Variants in PBRM1 observed in about 807,000 individuals in gnomAD.
The protein encoded by PBRM1 is protein polybromo-1.
Under a neutral mutation model 194.5 loss-of-function variants are expected in PBRM1, and 27 were observed. That is an observed-to-expected ratio of 0.14 (90% confidence interval 0.10 to 0.19). PBRM1 has a LOEUF of 0.19. Ranked by LOEUF, PBRM1 falls within the 10% of genes least tolerant of loss-of-function variation. The probability of loss-of-function intolerance (pLI) is 1.00; values close to 1 mark genes in which losing one functional copy is unlikely to be tolerated. For missense variants in PBRM1, 1,466 were observed against 2,077.2 expected, an observed-to-expected ratio of 0.71 and a Z score of 5.72; for synonymous variants, 655 against 693.2, an observed-to-expected ratio of 0.94 and a Z score of 0.87.
At chr3:52,583,777 T>C (rs978901749) in intron 20 of PBRM1, among the ~76,000 whole-genome samples, 2 of 152,148 alleles carry the variant, frequency 1.3e-5, no homozygotes, top group African/African-American at 4.8e-5. Flanking sequence ...AAAAAAATTA[T>C]AGGTAAATTA....
intron 11 of PBRM1, among the ~76,000 whole-genome samples, chr3:52,632,291 A>C (rs1185923155): frequency 6.6e-6 from 1 of 152,176 alleles, no homozygotes; most frequent in Non-Finnish European, 1.5e-5. Context: ...TTCACAGAAG[A>C]GATTTTAAAA....
intron 11 of PBRM1, among the ~76,000 whole-genome samples, chr3:52,633,580 A>G (rs1319225108): frequency 6.6e-6 from 1 of 152,150 alleles, no homozygotes; most frequent in Non-Finnish European, 1.5e-5. Flanking sequence ...TTTTTGAGGA[A>G]CTGCCACACT....
intron 1 of PBRM1, chr3:52,684,794 A>C (rs1357561695): frequency 2.0e-5 from 3 of 152,214 alleles, no homozygotes; most frequent in Non-Finnish European, 4.4e-5. Flanking sequence ...AAGCCAAAGA[A>C]AGCGGTCAAG....
At chr3:52,685,875 C>T, upstream of PBRM1, 2 of 546,060 alleles carry the variant, frequency 3.7e-6, no homozygotes, top group South Asian at 4.3e-5. Context: ...CACCCGCCGC[C>T]CTCACCTCCC....
At chr3:52,550,845 T>TA (rs987891832) in intron 27 of PBRM1, 28 bp from the exon 30 acceptor site, 2 of 1,479,342 alleles carry the variant, frequency 1.4e-6, no homozygotes, top group African/African-American at 2.8e-5. Flanking sequence ...ATGGCACAGT[T>TA]AGAGGCTCTG....
intron 17 of PBRM1, among the ~76,000 whole-genome samples, chr3:52,593,851 G>T (rs1439307955): frequency 6.6e-6 from 1 of 152,118 alleles, no homozygotes; most frequent in Non-Finnish European, 1.5e-5. Context: ...CCAATTGTGT[G>T]GTTGATATTA....
chr3:52,581,644 C>CT (rs201354519), intron 20 of PBRM1, among the ~76,000 whole-genome samples: 67 of 143,794 alleles, frequency 4.7e-4, no homozygotes, highest in South Asian at 1.2e-3. Flanking sequence ...TAAAGTAATT[C>CT]TTTTTTTTTT....
intron 24 of PBRM1, 65 bp from the exon 27 acceptor site, chr3:52,562,033 A>G: frequency 1.5e-6 from 2 of 1,363,644 alleles, no homozygotes; most frequent in Non-Finnish European, 2.1e-6. Context: ...TCAAAATTTC[A>G]GAAGCCAGCC....
At chr3:52,570,492 A>G (rs1180958113) in intron 22 of PBRM1, among the ~76,000 whole-genome samples, 4 of 152,254 alleles carry the variant, frequency 2.6e-5, no homozygotes, top group Non-Finnish European at 5.9e-5. Flanking sequence ...ATTTTATAGA[A>G]GGAAAAATAG....
At chr3:52,599,018 CAAAAAA>C (rs59170143) in intron 17 of PBRM1, among the ~76,000 whole-genome samples, 3 of 114,384 alleles carry the variant, frequency 2.6e-5, no homozygotes. Context: ...CCAGATATCT[CAAAAAA>C]AAAAAAAAAA....
intron 26 of PBRM1, among the ~76,000 whole-genome samples, chr3:52,555,215 G>A (rs1039253548): frequency 2.0e-5 from 3 of 152,172 alleles, no homozygotes; most frequent in Non-Finnish European, 4.4e-5. Flanking sequence ...TGTTCAAACA[G>A]AGTGACCAGT....
chr3:52,569,136 C>T (rs2086231754), intron 22 of PBRM1, among the ~76,000 whole-genome samples: 1 of 152,150 alleles, frequency 6.6e-6, no homozygotes, highest in South Asian at 2.1e-4. Flanking sequence ...GATCCACCCA[C>T]CTCGGCCTCC....
At chr3:52,548,108 C>G in exon 30 of PBRM1, 1 of 1,611,020 alleles carries the variant, frequency 6.2e-7, no homozygotes, top group Non-Finnish European at 8.5e-7. Flanking sequence ...TGAGGGTGTC[C>G]CGGAGCATCA....
chr3:52,663,854 T>G (rs2096774767), intron 3 of PBRM1, among the ~76,000 whole-genome samples: 1 of 151,592 alleles, frequency 6.6e-6, no homozygotes, highest in Non-Finnish European at 1.5e-5. Context: ...GGTCAGAAGA[T>G]TAAGACCATC....
chr3:52,613,183 G>C (rs1408593004), intron 15 of PBRM1, among the ~76,000 whole-genome samples: 1 of 152,130 alleles, frequency 6.6e-6, no homozygotes, highest in Non-Finnish European at 1.5e-5. Flanking sequence ...TATTACAGAT[G>C]CATACTGAAC....
chr3:52,579,379 A>T, intron 20 of PBRM1, 180 bp from the exon 23 acceptor site: 1 of 607,226 alleles, frequency 1.6e-6, no homozygotes, highest in Non-Finnish European at 2.9e-6. Context: ...TGAGCCCAAG[A>T]GTTTGAGACC....
exon 20 of PBRM1, chr3:52,586,512 T>C (rs752658942): frequency 9.9e-6 from 16 of 1,614,060 alleles, no homozygotes; most frequent in South Asian, 1.1e-5. Context: ...CATTTGCAAA[T>C]ACAGAGGCCA....
At chr3:52,576,760 C>A in intron 21 of PBRM1, 62 bp from the exon 24 acceptor site, 1 of 1,325,532 alleles carries the variant, frequency 7.5e-7, no homozygotes, top group African/African-American at 1.5e-5. Context: ...ATTAATCTAA[C>A]AAAAATCGCA....
At chr3:52,605,603 CTT>C (rs752235047) in intron 16 of PBRM1, among the ~76,000 whole-genome samples, 29 of 134,910 alleles carry the variant, frequency 2.1e-4, no homozygotes, top group Admixed American at 5.2e-4. Context: ...CGGAAAGTCT[CTT>C]TTTTTTTTTT....
Sources: gnomAD v4.1 joint callset for allele counts (sites outside exome capture counted in the v4.1 genomes callset) on GRCh38, gnomAD v4.1.1 for gene constraint, MANE v1.5 for transcripts, NCBI Gene and HGNC (gene_info 2026-07-23, HGNC 2026-07-21) for gene names.